Variants in HMGXB4 observed in about 807,000 individuals in gnomAD.
HMGXB4 encodes the protein HMG-box containing 4.
HMGXB4 carries 27 observed loss-of-function variants against 63.9 expected under a neutral mutation model. The observed-to-expected ratio is 0.42, with a 90% CI of 0.31 to 0.58. HMGXB4 has a LOEUF of 0.58. Among genes scored for constraint, HMGXB4 ranks in the 20% least tolerant of loss-of-function variants. HMGXB4 has a pLI of 0.13. For synonymous variants in HMGXB4, 264 were observed against 265.3 expected (o/e 0.99, Z 0.05); for missense variants, 624 against 700.7 (o/e 0.89, Z 1.24).
intron 5 of HMGXB4, among the ~76,000 whole-genome samples, chr22:35,271,551 C>T (rs1194605965): frequency 4.6e-5 from 7 of 152,172 alleles, no homozygotes; most frequent in Non-Finnish European, 8.8e-5. Context: ...CACTTACAAA[C>T]AATGTGATGT....
intron 5 of HMGXB4, among the ~76,000 whole-genome samples, chr22:35,279,132 CTTTTTTTT>C (rs551006065): frequency 5.9e-5 from 3 of 50,822 alleles, no homozygotes; most frequent in South Asian, 1.1e-3. Flanking sequence ...TATGGATTGT[CTTTTTTTT>C]TTTTTTTTTT....
At chr22:35,251,986 G>A in the HMGXB4 span, among the ~76,000 whole-genome samples, 6 of 152,258 alleles carry the variant, frequency 3.9e-5, no homozygotes, top group African/African-American at 7.2e-5. Context: ...AAGCCAAGGC[G>A]GGTGGATCAC....
chr22:35,267,765 C>CT (rs1923349789), intron 5 of HMGXB4, among the ~76,000 whole-genome samples: 1 of 152,212 alleles, frequency 6.6e-6, no homozygotes, highest in South Asian at 2.1e-4. Context: ...AACTGTATCT[C>CT]CTCCACCAGG....
chr22:35,265,099 A>G lies in HMGXB4; in HGVS notation c.711A>G (p.Leu237=). The G allele has an allele frequency of 1.9e-6, 3 of 1,614,206 alleles. No homozygotes were observed. The highest frequency in any genetic ancestry group is 2.5e-6 in the Non-Finnish European group (3 of 1,180,032). ...SARDEQGALL[L]GHELQSFLKT... ...GGGATGAGCAGGGTGCTTTACTCCT[A>G]GGACATGAGTTACAGAGCTTTCTGA... Residue 237 remains leucine (L), a synonymous_variant, in exon 5 of 11, where the codon CTA becomes CTG. Transcript: ENST00000216106.
upstream of HMGXB4, among the ~76,000 whole-genome samples, chr22:35,255,328 AC>A (rs1922347878): frequency 6.6e-6 from 1 of 151,956 alleles, no homozygotes; most frequent in South Asian, 2.1e-4. Flanking sequence ...TAAAAAAAAA[AC>A]AACAAAAAAA....
chr22:35,256,158 T>C (rs1922391494), upstream of HMGXB4, among the ~76,000 whole-genome samples: 1 of 152,240 alleles, frequency 6.6e-6, no homozygotes, highest in Non-Finnish European at 1.5e-5. Context: ...CATCTTTATC[T>C]GATCACTGAT....
At position 35,294,885 on chromosome 22, in the gene HMGXB4, T is replaced by A. The variant is rs963455574; in HGVS notation, c.*1234T>A. ...CAAAAACTCTGAATCATCTACATTTTAAGGTATTTTACCTCAAAAATGAAT... is the reference window on the plus strand; with the variant it reads ...CAAAAACTCTGAATCATCTACATTTAAAGGTATTTTACCTCAAAAATGAAT... On this transcript the variant is annotated 3_prime_UTR_variant, in exon 11 of 11. Coordinates refer to ENST00000216106, the MANE Select transcript of HMGXB4 (RefSeq NM_001003681.3). The A allele has an allele frequency of 6.6e-6, 1 of 152,276 alleles. No individual in the cohort carries two copies. The highest frequency in any genetic ancestry group is 1.5e-5 in the Non-Finnish European group (1 of 68,024). The allele number at this position is 152,276 out of a possible 1,614,324, so 9.4% of individuals were successfully genotyped here.
intron 1 of HMGXB4, chr22:35,258,283 A>AC (rs1317074476): frequency 6.6e-6 from 1 of 151,830 alleles, no homozygotes; most frequent in Non-Finnish European, 1.5e-5. Context: ...TCCACCAACT[A>AC]CTACTTGTAG....
At position 35,263,782 on chromosome 22, in the gene HMGXB4, T is replaced by C. The variant is rs1291799612; in HGVS notation, c.181-14T>C. The stretch of plus-strand genomic sequence containing the variant: ...TCATCATCTTATTATTGGTCAATTC[T>C]TCTTTAATTATAGGATAGTGAACTT... On this transcript the variant is annotated splice_polypyrimidine_tract_variant and intron_variant, in intron 3 of 10. Transcript: ENST00000216106. 6.3e-7 allele frequency: 1 copy of C among 1,588,140 alleles called. No homozygotes were observed. Among genetic ancestry groups the C allele is most frequent in the Non-Finnish European group, 8.6e-7 (1 of 1,156,378 alleles).
chr22:35,293,792 T>TAA lies in HMGXB4; in HGVS notation c.*142_*143dup. On this transcript the variant is annotated 3_prime_UTR_variant, in exon 11 of 11. Transcript: ENST00000216106. ...ATACATACATATATACATATATATA[T>TAA]AATGTACAATATATACATAGACTGT... is the stretch of plus-strand genomic sequence containing the variant. The TAA allele has an allele frequency of 2.2e-6, 1 of 458,326 alleles. No homozygotes were observed. Among genetic ancestry groups the TAA allele is most frequent in the Non-Finnish European group, 3.9e-6 (1 of 257,770 alleles). 28.4% of individuals were successfully genotyped at this position (458,326 alleles called of 1,614,324 possible). A position where few individuals can be genotyped will look rare whatever the true frequency, so the allele number is the denominator to read the frequency against.
the HMGXB4 span, among the ~76,000 whole-genome samples, chr22:35,241,719 G>A: frequency 0.013 from 1,956 of 152,286 alleles, 43 homozygotes; most frequent in African/African-American, 0.044. Context: ...GCGTGTGTTC[G>A]GGAGAGGGGG....
intron 5 of HMGXB4, among the ~76,000 whole-genome samples, chr22:35,278,254 A>G (rs1279625060): frequency 1.3e-5 from 2 of 152,070 alleles, no homozygotes; most frequent in Non-Finnish European, 2.9e-5. Flanking sequence ...TCATTCACTG[A>G]TTGTAAGACG....
chr22:35,258,163 C>T (rs989788436), intron 1 of HMGXB4: 2 of 152,226 alleles, frequency 1.3e-5, no homozygotes, highest in African/African-American at 4.8e-5. Context: ...AAATGGTGGT[C>T]CTGGGGGCTG....
chr22:35,260,434 G>T (rs958514819), intron 1 of HMGXB4, among the ~76,000 whole-genome samples: 1 of 152,126 alleles, frequency 6.6e-6, no homozygotes, highest in African/African-American at 2.4e-5. Context: ...CACCCCTTTT[G>T]GAGTCAGCAC....
chr22:35,251,656 G>A, the HMGXB4 span, among the ~76,000 whole-genome samples: 1 of 152,110 alleles, frequency 6.6e-6, no homozygotes, highest in Non-Finnish European at 1.5e-5. Flanking sequence ...CTTGAAGAGG[G>A]GGCATTCAAA....
At chr22:35,248,397 G>A in the HMGXB4 span, among the ~76,000 whole-genome samples, 1 of 149,024 alleles carries the variant, frequency 6.7e-6, no homozygotes, top group Non-Finnish European at 1.5e-5. Context: ...AGGGGAGGTC[G>A]GGACTTTTTT....
At chr22:35,289,056 C>T (rs1924773239) in intron 9 of HMGXB4, among the ~76,000 whole-genome samples, 2 of 152,012 alleles carry the variant, frequency 1.3e-5, no homozygotes, top group Admixed American at 1.3e-4. Context: ...AAGAGAATCA[C>T]TTGAACCTGG....
At chr22:35,276,408 C>T (rs1400699045) in intron 5 of HMGXB4, among the ~76,000 whole-genome samples, 1 of 152,150 alleles carries the variant, frequency 6.6e-6, no homozygotes. Context: ...ACTTGTGTAA[C>T]GAGTTGCCCA....
At chr22:35,292,337 A>C (rs532703826) in intron 9 of HMGXB4, among the ~76,000 whole-genome samples, 3 of 152,264 alleles carry the variant, frequency 2.0e-5, no homozygotes, top group East Asian at 3.9e-4. Context: ...GGCAGTCTTG[A>C]ATCCGGAGCT....
Sources: allele counts gnomAD v4.1 joint callset (sites outside exome capture counted in the v4.1 genomes callset), GRCh38; gene constraint gnomAD v4.1.1; transcripts MANE v1.5; gene names NCBI Gene and HGNC (gene_info 2026-07-23, HGNC 2026-07-21).